XDH: variants seen among roughly 807,000 people sequenced by gnomAD.
XDH encodes xanthine dehydrogenase/oxidase.
Under a neutral mutation model 156.1 loss-of-function variants are expected in XDH, and 138 were observed. That is an observed-to-expected ratio of 0.88 (90% CI 0.77 to 1.02). The LOEUF is 1.02. XDH is among the 50% of genes least tolerant of loss of function. The pLI, the probability that XDH is intolerant of heterozygous loss-of-function variation, is 0.00. For missense variants in XDH, 1,849 were observed against 1,684.9 expected (o/e 1.10, Z -1.71); for synonymous variants, 669 against 625.7 (o/e 1.07, Z -1.03).
At chr2:31,367,087 G>A in intron 20 of XDH, 93 bp from the exon 21 acceptor site, 1 of 1,604,488 alleles carries the variant, frequency 6.2e-7, no homozygotes, top group Non-Finnish European at 8.5e-7. Flanking sequence ...AAGTGGTCTG[G>A]GCAGGAAGCA....
At chr2:31,393,676 G>T (rs183762207) in intron 6 of XDH, among the ~76,000 whole-genome samples, 1 of 151,642 alleles carries the variant, frequency 6.6e-6, no homozygotes, top group Non-Finnish European at 1.5e-5. Flanking sequence ...TCTATTTGTC[G>T]TCCTTATTCT....
intron 1 of XDH, among the ~76,000 whole-genome samples, chr2:31,407,263 T>C (rs1470134777): frequency 6.6e-6 from 1 of 152,090 alleles, no homozygotes; most frequent in Non-Finnish European, 1.5e-5. Context: ...ATACCGACAA[T>C]GACAAGTTTA....
chr2:31,386,632 C>A, intron 8 of XDH, 77 bp from the exon 9 acceptor site: 1 of 1,580,072 alleles, frequency 6.3e-7, no homozygotes. Context: ...TTTAAGTCCT[C>A]AATGGGATGT....
chr2:31,373,309 C>T (rs1020913337), intron 16 of XDH, among the ~76,000 whole-genome samples: 1 of 152,172 alleles, frequency 6.6e-6, no homozygotes, highest in African/African-American at 2.4e-5. Flanking sequence ...TAAATTGTGG[C>T]ATGGGGGCCA....
At chr2:31,386,172 A>T (rs1572553817) in intron 9 of XDH, among the ~76,000 whole-genome samples, 1 of 152,192 alleles carries the variant, frequency 6.6e-6, no homozygotes, top group African/African-American at 2.4e-5. Context: ...GATGAGGACA[A>T]GCAACTTTTC....
chr2:31,372,167 T>C (rs1025257870), intron 17 of XDH, 61 bp downstream of exon 17: 4 of 1,612,970 alleles, frequency 2.5e-6, no homozygotes, highest in East Asian at 2.2e-5. Context: ...AGAAGTCTCC[T>C]GGGTACTCCC....
In XDH at chr2:31,370,474, T is replaced by C. The variant is rs757886430; in HGVS notation, c.1861A>G (p.Ile621Val). 1 of 1,614,198 alleles carries C rather than the reference T, an allele frequency of 6.2e-7. No individual in the cohort carries two copies. Among genetic ancestry groups the C allele is most frequent in the South Asian group, 1.1e-5 (1 of 91,074 alleles). The stretch of plus-strand genomic sequence containing the variant: ...ACCTTCTTAGCTTCTGATGTATCTA[T>C]GGACCTGCAAGAATGAGTGGTGTGA... ...STRAHAKIKS[I>V]DTSEAKKVPG... Residue 621 changes from isoleucine (I) to valine (V), a missense_variant, in exon 18 of 36, where the codon ATA becomes GTA. Coordinates refer to ENST00000379416, the MANE Select transcript of XDH (RefSeq NM_000379.4).
At chr2:31,395,840 G>C (rs1686888700) in intron 6 of XDH, among the ~76,000 whole-genome samples, 1 of 152,104 alleles carries the variant, frequency 6.6e-6, no homozygotes, top group Admixed American at 6.5e-5. Context: ...TTTTCTTCTT[G>C]TTTAGATGAA....
At chr2:31,352,753 T>C (rs977003536) in intron 24 of XDH, among the ~76,000 whole-genome samples, 1 of 152,216 alleles carries the variant, frequency 6.6e-6, no homozygotes, top group Non-Finnish European at 1.5e-5. Context: ...GAATAATTCT[T>C]TTTTTGAACA....
At chr2:31,363,788 C>T (rs1350932235) in intron 24 of XDH, among the ~76,000 whole-genome samples, 2 of 152,064 alleles carry the variant, frequency 1.3e-5, no homozygotes, top group African/African-American at 4.8e-5. Flanking sequence ...TTCCTTCAGA[C>T]ACTTTTCCAC....
In XDH at chr2:31,356,215, A is replaced by G. The variant is rs186358462; in HGVS notation, c.2632-5992T>C. Among the ~76,000 whole-genome samples the G allele has an allele frequency of 1.3e-3, 198 of 152,292 alleles. No individual in the cohort carries two copies. In the Middle Eastern group the frequency reaches 0.02, roughly 16 times the overall value. On this transcript the variant is annotated intron_variant, in intron 24 of 35. Transcript: ENST00000379416. ...TCCTCTCTCAAAATTGGTAGCAAAA[A>G]ATAGACAGAAAATCAGGAAGGGTAT...
intron 24 of XDH, among the ~76,000 whole-genome samples, chr2:31,351,036 T>C (rs1685464738): frequency 6.6e-6 from 1 of 152,198 alleles, no homozygotes; most frequent in African/African-American, 2.4e-5. Flanking sequence ...ATGTCTTGAC[T>C]TTTTCAGTTT....
chr2:31,358,040 A>G (rs1461341483), intron 24 of XDH, among the ~76,000 whole-genome samples: 1 of 152,068 alleles, frequency 6.6e-6, no homozygotes, highest in Non-Finnish European at 1.5e-5. Flanking sequence ...AACGAGACAG[A>G]AAGTTAACAA....
intron 3 of XDH, among the ~76,000 whole-genome samples, chr2:31,401,582 C>A (rs1314240505): frequency 6.6e-6 from 1 of 152,222 alleles, no homozygotes. Flanking sequence ...CATCCTCAGC[C>A]TCTGAGCAGG....
At position 31,378,119 on chromosome 2, in the gene XDH, G is replaced by GAAA. The variant is rs1558696689; in HGVS notation, c.1243-883_1243-882insTTT. Reference sequence around the variant, plus strand: ...GAAAGAAAGAAAGAAAGGAAGGAAGGAAGGAAGGAAGGAAGGAAGGAAGGA... The same window carrying GAAA: ...GAAAGAAAGAAAGAAAGGAAGGAAGGAAAAAGGAAGGAAGGAAGGAAGGAAGGA... On this transcript the variant is annotated intron_variant, in intron 13 of 35. Transcript: ENST00000379416. 2.2e-4 allele frequency among the ~76,000 whole-genome samples: 8 copies of GAAA among 36,566 alleles called. 1 individual carries two copies. The highest frequency in any genetic ancestry group is 8.8e-4 in the African/African-American group (8 of 9,060). The allele number at this position is 36,566 out of a possible 152,430, so 24.0% of individuals were successfully genotyped here.
rs181743036 is a variant in XDH, at chr2:31,337,751, C to T, written c.3841G>A (p.Ala1281Thr). The stretch of plus-strand genomic sequence containing the variant: ...TTACCTGTGTGCTGAGCTCGAGCTG[C>T]ACGGATGGCATCTTTGATGGCAAAG... Reference protein sequence around the residue: ...IFFAIKDAIRAARAQHTGNNV... With the variant: ...IFFAIKDAIRTARAQHTGNNV... The change falls in exon 35 of 36, where the codon GCA (alanine) becomes ACA (threonine). Residue 1281 changes from alanine (A) to threonine (T), a missense_variant. Physicochemically the swap from Ala to Thr is moderately conservative, Grantham distance 58. Transcript: ENST00000379416. 6.2e-7 allele frequency: 1 copy of T among 1,614,234 alleles called. No homozygotes were observed. Among genetic ancestry groups the T allele is most frequent in the East Asian group, 2.2e-5 (1 of 44,894 alleles).
chr2:31,414,560 G>A (rs944654012), intron 1 of XDH, 65 bp downstream of exon 1: 37 of 1,598,500 alleles, frequency 2.3e-5, no homozygotes, highest in Non-Finnish European at 2.7e-5. Flanking sequence ...ATATGGCTCT[G>A]CCAGAGGACA....
intron 6 of XDH, among the ~76,000 whole-genome samples, chr2:31,392,352 C>A (rs1686789518): frequency 1.3e-5 from 2 of 149,726 alleles, no homozygotes; most frequent in South Asian, 4.3e-4. Context: ...TTTAATTTGC[C>A]TTTTTTTTTC....
chr2:31,347,569 G>A lies in XDH; in HGVS notation c.3229C>T (p.Pro1077Ser), dbSNP rs1685334844. 1 of 1,614,192 alleles carries A rather than the reference G, an allele frequency of 6.2e-7. No individual in the cohort carries two copies. Among genetic ancestry groups the A allele is most frequent in the Admixed American group, 1.7e-5 (1 of 60,032 alleles). The change falls in exon 29 of 36, where the codon CCC becomes TCC. Residue 1077 changes from proline (P) to serine (S), a missense_variant. Physicochemically the swap from Pro to Ser is moderately conservative, Grantham distance 74. Coordinates refer to ENST00000379416, the MANE Select transcript of XDH (RefSeq NM_000379.4). ...TSTNTVPNTS[P>S]TAASVSADLN... ...TCAGCGCTGACAGAGGCAGCCGTGGGAGAGGTGTTGGGCACAGTGTTAGTG... is the reference window on the plus strand; with the variant it reads ...TCAGCGCTGACAGAGGCAGCCGTGGAAGAGGTGTTGGGCACAGTGTTAGTG...
Sources: allele counts gnomAD v4.1 joint callset (sites outside exome capture counted in the v4.1 genomes callset), GRCh38; gene constraint gnomAD v4.1.1; transcripts MANE v1.5; gene names NCBI Gene and HGNC (gene_info 2026-07-23, HGNC 2026-07-21).